Variants in KLRG1 observed in about 807,000 individuals in gnomAD.
KLRG1 encodes killer cell lectin like receptor G1, also known as killer cell lectin-like receptor subfamily G member 1.
Under a neutral mutation model 21.8 loss-of-function variants are expected in KLRG1, and 16 were observed. The ratio of observed to expected loss-of-function variants is 0.73; its 90% confidence interval spans 0.50 to 1.11. KLRG1 has a LOEUF of 1.11. Ranked by LOEUF, KLRG1 falls within the 50% of genes most tolerant of loss-of-function variation. The probability of loss-of-function intolerance (pLI) is 0.00; values close to 1 mark genes in which losing one functional copy is unlikely to be tolerated. For synonymous variants in KLRG1, 69 were observed against 75.9 expected (o/e 0.91, Z 0.47); for missense variants, 173 against 218.3 (o/e 0.79, Z 1.31).
the KLRG1 span, among the ~76,000 whole-genome samples, chr12:9,037,930 C>T: frequency 4.6e-5 from 7 of 152,122 alleles, no homozygotes; most frequent in South Asian, 2.1e-4. Flanking sequence ...CTTAGGGTTA[C>T]GTTTATCAGA....
intron 1 of KLRG1, among the ~76,000 whole-genome samples, chr12:8,981,654 T>G (rs143443457): frequency 6.6e-6 from 1 of 152,158 alleles, no homozygotes; most frequent in African/African-American, 2.4e-5. Flanking sequence ...TGGCTGAGTA[T>G]GTAATATATC....
chr12:8,967,516 G>A (rs1946496069), intron 1 of KLRG1, among the ~76,000 whole-genome samples: 1 of 152,108 alleles, frequency 6.6e-6, no homozygotes, highest in South Asian at 2.1e-4. Context: ...GAGCCCAGGA[G>A]TTTGAGACCA....
At chr12:9,150,713 C>T in the KLRG1 span, 1 of 1,612,910 alleles carries the variant, frequency 6.2e-7, no homozygotes. Flanking sequence ...TCTTGCAGAA[C>T]CATGAAGGAA....
At chr12:9,080,080 G>A in the KLRG1 span, 2 of 1,560,450 alleles carry the variant, frequency 1.3e-6, no homozygotes, top group Non-Finnish European at 1.7e-6. Context: ...ATCCACTAGG[G>A]GCTGGAGACT....
At chr12:8,983,958 A>C (rs1259957676) in intron 1 of KLRG1, among the ~76,000 whole-genome samples, 1 of 152,112 alleles carries the variant, frequency 6.6e-6, no homozygotes, top group African/African-American at 2.4e-5. Flanking sequence ...AATTTGGGGA[A>C]TATTTGATCA....
chr12:9,098,553 G>A, the KLRG1 span: 1 of 1,541,992 alleles, frequency 6.5e-7, no homozygotes, highest in East Asian at 2.4e-5. Context: ...ATTTTTCCTT[G>A]CTCTGAGCCC....
In KLRG1 at chr12:8,995,257, ACCT is replaced by A; in HGVS notation, c.330_332del (p.Leu111del). The A allele has an allele frequency of 6.2e-7, 1 of 1,612,850 alleles. No individual in the cohort carries two copies. The highest frequency in any genetic ancestry group is 8.5e-7 in the Non-Finnish European group (1 of 1,179,628). On this transcript the variant is annotated inframe_deletion, in exon 3 of 5. Transcript: ENST00000356986. ...GAATTCTGCCTAGCCAGAGACTCAC[ACCT>A]CCTTGTGATAACGGACAATCAGGAA...
At chr12:8,984,613 C>G (rs747365900), upstream of KLRG1, among the ~76,000 whole-genome samples, 5 of 152,118 alleles carry the variant, frequency 3.3e-5, no homozygotes, top group African/African-American at 1.2e-4. Context: ...TCACTTGATT[C>G]TTTTTGGTAG....
At chr12:9,071,832 T>C in the KLRG1 span, among the ~76,000 whole-genome samples, 1 of 152,208 alleles carries the variant, frequency 6.6e-6, no homozygotes, top group African/African-American at 2.4e-5. Flanking sequence ...ACTTTTTTCC[T>C]GAATAGTATC....
chr12:9,197,204 T>C, the KLRG1 span: 4 of 931,618 alleles, frequency 4.3e-6, no homozygotes, highest in Admixed American at 5.7e-5. Context: ...ACTGTCCCTC[T>C]TTAGAGTTGC....
chr12:9,014,549 C>T (rs142266151), downstream of KLRG1, among the ~76,000 whole-genome samples: 746 of 151,994 alleles, frequency 4.9e-3, 7 homozygotes, highest in African/African-American at 0.017. Flanking sequence ...ATGACTTTCC[C>T]AAACAAACAA....
chr12:9,069,789 G>A, the KLRG1 span: 750 of 1,612,916 alleles, frequency 4.6e-4, 6 homozygotes, highest in African/African-American at 8.6e-3. Context: ...ACTTCTGTCC[G>A]GCTCACATGG....
At chr12:9,041,963 T>C in the KLRG1 span, among the ~76,000 whole-genome samples, 1 of 152,258 alleles carries the variant, frequency 6.6e-6, no homozygotes, top group East Asian at 1.9e-4. Flanking sequence ...ATATGTGGCA[T>C]TGGTTTGGGG....
the KLRG1 span, among the ~76,000 whole-genome samples, chr12:9,144,823 G>A: frequency 1.9e-4 from 29 of 152,258 alleles, no homozygotes; most frequent in Non-Finnish European, 2.8e-4. Context: ...ATCTCTGGTC[G>A]GGGAGGGTTT....
chr12:9,153,192 A>G, the KLRG1 span: 1 of 1,614,170 alleles, frequency 6.2e-7, no homozygotes, highest in Admixed American at 1.7e-5. Flanking sequence ...TGGCAATGAG[A>G]TCTGCTGCAG....
chr12:9,101,324 C>A, the KLRG1 span: 2 of 1,363,036 alleles, frequency 1.5e-6, no homozygotes, highest in South Asian at 2.6e-5. Flanking sequence ...CAAGAGAAAT[C>A]AAACTTTCAA....
intron 1 of KLRG1, among the ~76,000 whole-genome samples, chr12:8,968,355 G>T (rs1946513408): frequency 6.6e-6 from 1 of 152,126 alleles, no homozygotes; most frequent in Non-Finnish European, 1.5e-5. Flanking sequence ...ACTAAGCCTT[G>T]CTCTAAAATA....
the KLRG1 span, chr12:9,077,681 C>T: frequency 1.2e-6 from 2 of 1,611,388 alleles, no homozygotes; most frequent in Non-Finnish European, 1.7e-6. Flanking sequence ...CAAATCAAAA[C>T]TAGCTCCAGA....
chr12:9,103,988 A>G, the KLRG1 span, among the ~76,000 whole-genome samples: 5 of 152,176 alleles, frequency 3.3e-5, no homozygotes, highest in African/African-American at 1.2e-4. Context: ...AGGAACTACT[A>G]TACTGTTTTT....
Sources: allele counts gnomAD v4.1 joint callset (sites outside exome capture counted in the v4.1 genomes callset), GRCh38; gene constraint gnomAD v4.1.1; transcripts MANE v1.5; gene names NCBI Gene and HGNC (gene_info 2026-07-23, HGNC 2026-07-21).